Variants in RNF2 observed in about 807,000 individuals in gnomAD.
RNF2 encodes ring finger protein 2, also known as E3 ubiquitin-protein ligase RING2.
RNF2 carries 6 observed loss-of-function variants against 37.2 expected under a neutral mutation model. The observed-to-expected ratio is 0.16, with a 90% CI of 0.09 to 0.32. The LOEUF (loss-of-function observed/expected upper bound fraction) is 0.32. RNF2 is among the 10% of genes least tolerant of loss of function. The pLI, the probability that RNF2 is intolerant of heterozygous loss-of-function variation, is 1.00. For missense variants in RNF2, 251 were observed against 404.0 expected (o/e 0.62, Z 3.25); for synonymous variants, 133 against 132.7 (o/e 1.00, Z -0.02).
chr1:185,066,059 G>A (rs1371746173), intron 1 of RNF2, among the ~76,000 whole-genome samples: 1 of 150,668 alleles, frequency 6.6e-6, no homozygotes, highest in African/African-American at 2.4e-5. Flanking sequence ...TTATTTTTGA[G>A]CTCTGCCTTT....
At chr1:185,076,862 A>AT (rs202239334) in intron 1 of RNF2, among the ~76,000 whole-genome samples, 38 of 149,170 alleles carry the variant, frequency 2.5e-4, no homozygotes, top group Non-Finnish European at 2.7e-4. Context: ...TACTCTGGGC[A>AT]TTTTTTTTTG....
chr1:185,052,025 G>T (rs1416877116), intron 1 of RNF2, among the ~76,000 whole-genome samples: 1 of 151,418 alleles, frequency 6.6e-6, no homozygotes, highest in Non-Finnish European at 1.5e-5. Flanking sequence ...TATTACCCAG[G>T]AAAGTTTCAG....
At chr1:185,099,120 T>C (rs12046202) in intron 5 of RNF2, among the ~76,000 whole-genome samples, 14,781 of 149,112 alleles carry the variant, frequency 0.099, 960 homozygotes, top group East Asian at 0.29. Flanking sequence ...GGCACAATCT[T>C]GGCTGACTGC....
chr1:185,095,713 T>C (rs532206988), intron 4 of RNF2, among the ~76,000 whole-genome samples: 1 of 152,244 alleles, frequency 6.6e-6, no homozygotes, highest in Non-Finnish European at 1.5e-5. Flanking sequence ...TGAATTAAAA[T>C]TAGTCTCTTG....
intron 3 of RNF2, among the ~76,000 whole-genome samples, chr1:185,092,758 G>A (rs1161433725): frequency 6.6e-6 from 1 of 151,730 alleles, no homozygotes; most frequent in Non-Finnish European, 1.5e-5. Context: ...CATGGATATC[G>A]GAAAGGGGAA....
chr1:185,095,332 C>G (rs1232273129), intron 4 of RNF2, among the ~76,000 whole-genome samples: 1 of 152,136 alleles, frequency 6.6e-6, no homozygotes, highest in Non-Finnish European at 1.5e-5. Context: ...CCTTACTGTT[C>G]TTCAGACTCA....
intron 1 of RNF2, among the ~76,000 whole-genome samples, chr1:185,069,282 G>A (rs1209759976): frequency 6.6e-6 from 1 of 151,856 alleles, no homozygotes; most frequent in Admixed American, 6.6e-5. Context: ...GTGAAACCCC[G>A]TCTCTACAAA....
intron 1 of RNF2, among the ~76,000 whole-genome samples, chr1:185,087,243 G>A (rs1423252783): frequency 6.6e-6 from 1 of 152,192 alleles, no homozygotes; most frequent in East Asian, 1.9e-4. Context: ...TCTGGAGACT[G>A]GGAATTCCAA....
intron 3 of RNF2, 73 bp downstream of exon 3, chr1:185,091,812 C>T (rs1452333341): frequency 8.9e-6 from 11 of 1,240,576 alleles, no homozygotes; most frequent in Non-Finnish European, 1.1e-5. Flanking sequence ...TTGAGAAATA[C>T]ATTTTCTTTT....
In RNF2 at chr1:185,087,578, G is replaced by A. The variant is rs545665893; in HGVS notation, c.25G>A (p.Gly9Arg). 2 of 1,614,082 alleles carry A rather than the reference G, an allele frequency of 1.2e-6. No homozygotes were observed. Among genetic ancestry groups the A allele is most frequent in the African/African-American group, 1.3e-5 (1 of 75,038 alleles). The stretch of plus-strand genomic sequence containing the variant: ...AATGTCTCAGGCTGTGCAGACAAAC[G>A]GAACTCAACCATTAAGCAAAACATG... MSQAVQTN[G>R]TQPLSKTWEL... is the part of the protein sequence containing the mutation. Residue 9 changes from glycine (G) to arginine (R), a missense_variant, in exon 2 of 7, where the codon GGA (glycine) becomes AGA (arginine). Physicochemically the swap from Gly to Arg is moderately radical, Grantham distance 125. Around this residue, in one of 7 missense-constraint regions of RNF2, gnomAD observed 43 missense variants for 82.7 expected, o/e 0.52. Coordinates refer to ENST00000367510, the MANE Select transcript of RNF2 (RefSeq NM_007212.4).
intron 1 of RNF2, among the ~76,000 whole-genome samples, chr1:185,064,552 A>G (rs1650743570): frequency 6.6e-6 from 1 of 152,238 alleles, no homozygotes; most frequent in Admixed American, 6.5e-5. Context: ...GAAAACATTG[A>G]AAGTTGAAAA....
At chr1:185,056,206 T>C (rs1245574877) in intron 1 of RNF2, among the ~76,000 whole-genome samples, 1 of 152,200 alleles carries the variant, frequency 6.6e-6, no homozygotes, top group Non-Finnish European at 1.5e-5. Context: ...TACAGTTGTG[T>C]ATAGTGTAGA....
chr1:185,087,498 A>G (rs1651637089), intron 1 of RNF2, 54 bp from the exon 2 acceptor site: 4 of 1,449,486 alleles, frequency 2.8e-6, no homozygotes, highest in Admixed American at 3.4e-5. Context: ...CATTCAGACC[A>G]TAGCACTTCC....
chr1:185,060,463 CACTT>C (rs1284175438), intron 1 of RNF2, among the ~76,000 whole-genome samples: 2 of 152,184 alleles, frequency 1.3e-5, no homozygotes, highest in African/African-American at 4.8e-5. Context: ...TTCCCTTGCT[CACTT>C]AAGGACTCAA....
At chr1:185,061,562 G>C (rs1650606293) in intron 1 of RNF2, among the ~76,000 whole-genome samples, 1 of 152,160 alleles carries the variant, frequency 6.6e-6, no homozygotes, top group Admixed American at 6.5e-5. Flanking sequence ...TGGATGTGGA[G>C]AAGTATGGAA....
At chr1:185,061,273 G>A (rs965138324) in intron 1 of RNF2, among the ~76,000 whole-genome samples, 2 of 151,514 alleles carry the variant, frequency 1.3e-5, no homozygotes, top group African/African-American at 2.4e-5. Flanking sequence ...GACTACAGGC[G>A]CCCGCCACCA....
chr1:185,076,259 T>C (rs1487629381), intron 1 of RNF2, among the ~76,000 whole-genome samples: 2 of 143,772 alleles, frequency 1.4e-5, no homozygotes, highest in African/African-American at 2.5e-5. Flanking sequence ...TCTAGATCTT[T>C]TATGGGTTGT....
chr1:185,100,113 G>T, intron 6 of RNF2, 87 bp from the exon 7 acceptor site: 3 of 1,225,732 alleles, frequency 2.4e-6, no homozygotes, highest in Non-Finnish European at 3.4e-6. Flanking sequence ...GAAAAAAAAA[G>T]ATTCTGTGGA....
intron 1 of RNF2, among the ~76,000 whole-genome samples, chr1:185,076,998 A>C (rs1651186988): frequency 1.3e-5 from 2 of 152,148 alleles, no homozygotes; most frequent in Non-Finnish European, 2.9e-5. Flanking sequence ...TACTTCAGTT[A>C]AGTTGTAGAG....
Sources: allele counts gnomAD v4.1 joint callset (sites outside exome capture counted in the v4.1 genomes callset), GRCh38; gene constraint gnomAD v4.1.1; regional missense constraint gnomAD v4.1.1; transcripts MANE v1.5; gene names NCBI Gene and HGNC (gene_info 2026-07-23, HGNC 2026-07-21).